TMCC1: variants seen among roughly 807,000 people sequenced by gnomAD.
The protein encoded by TMCC1 is transmembrane and coiled-coil domain family 1.
TMCC1 carries 15 observed loss-of-function variants against 52.4 expected under a neutral mutation model. That is an observed-to-expected ratio of 0.29 (90% CI 0.19 to 0.44). The LOEUF (loss-of-function observed/expected upper bound fraction) is 0.44, where lower values mean the gene tolerates loss of function less well. Ranked by LOEUF, TMCC1 falls within the 20% of genes least tolerant of loss-of-function variation. The probability of loss-of-function intolerance (pLI) is 1.00; values close to 1 mark genes in which losing one functional copy is unlikely to be tolerated. For missense variants in TMCC1, 503 were observed against 806.0 expected, an observed-to-expected ratio of 0.62 and a Z score of 4.55; for synonymous variants, 279 against 301.9, an observed-to-expected ratio of 0.92 and a Z score of 0.79.
chr3:129,694,408 G>A (rs1576473139), intron 4 of TMCC1, among the ~76,000 whole-genome samples: 1 of 152,206 alleles, frequency 6.6e-6, no homozygotes, highest in Non-Finnish European at 1.5e-5. Context: ...TGTCAGAAAC[G>A]TTTACACCTG....
chr3:129,860,370 C>T (rs9815126), intron 2 of TMCC1, among the ~76,000 whole-genome samples: 131,666 of 151,900 alleles, frequency 0.87, 57,743 homozygotes, highest in East Asian at 1. Context: ...GCGCCCAGCC[C>T]GTGAGTGGAA....
chr3:129,843,911 C>CAAAAAAAAA (rs11391229), intron 2 of TMCC1, among the ~76,000 whole-genome samples: 1 of 135,616 alleles, frequency 7.4e-6, no homozygotes. Context: ...CAGACACTAC[C>CAAAAAAAAA]AAAAAAAAAA....
chr3:129,879,458 G>C (rs1208878852), intron 2 of TMCC1, among the ~76,000 whole-genome samples: 4 of 152,036 alleles, frequency 2.6e-5, no homozygotes, highest in Admixed American at 2.0e-4. Context: ...AAGGTTTTCA[G>C]AAAGAAAAAT....
chr3:129,741,437 G>A (rs572008009), intron 4 of TMCC1, among the ~76,000 whole-genome samples: 5 of 152,036 alleles, frequency 3.3e-5, no homozygotes, highest in Non-Finnish European at 7.4e-5. Context: ...TCCTGCATAT[G>A]TTAGAGCCTC....
At chr3:129,659,065 A>G (rs1012445823) in intron 5 of TMCC1, among the ~76,000 whole-genome samples, 7 of 151,258 alleles carry the variant, frequency 4.6e-5, no homozygotes, top group African/African-American at 1.7e-4. Context: ...CTTTGTAGTC[A>G]GGGAACCTGT....
intron 2 of TMCC1, among the ~76,000 whole-genome samples, chr3:129,842,500 A>G (rs2059466558): frequency 6.6e-6 from 1 of 151,960 alleles, no homozygotes; most frequent in Non-Finnish European, 1.5e-5. Context: ...ACACACACAC[A>G]CACACGTAAG....
intron 4 of TMCC1, chr3:129,688,699 C>T (rs1396962762): frequency 1.5e-5 from 15 of 985,326 alleles, no homozygotes; most frequent in Non-Finnish European, 1.8e-5. Flanking sequence ...TGTGTGTGCG[C>T]GCGCACGCAG....
intron 4 of TMCC1, among the ~76,000 whole-genome samples, chr3:129,757,748 G>A (rs2053147465): frequency 6.6e-6 from 1 of 152,132 alleles, no homozygotes. Context: ...AGAATCGCTT[G>A]AACCCAGGAG....
chr3:129,865,316 A>T (rs906712930), intron 2 of TMCC1, among the ~76,000 whole-genome samples: 3 of 139,968 alleles, frequency 2.1e-5, no homozygotes, highest in Admixed American at 7.2e-5. Context: ...ACACCACATC[A>T]TTTTTTTTTT....
At chr3:129,824,956 T>C (rs2058593489) in intron 4 of TMCC1, among the ~76,000 whole-genome samples, 1 of 152,222 alleles carries the variant, frequency 6.6e-6, no homozygotes, top group Admixed American at 6.5e-5. Context: ...TCCACAGTTA[T>C]CAATTCAGCT....
intron 4 of TMCC1, among the ~76,000 whole-genome samples, chr3:129,701,542 G>A (rs185248621): frequency 1.3e-5 from 2 of 152,284 alleles, no homozygotes; most frequent in East Asian, 3.9e-4. Context: ...AAATTACTGT[G>A]GTCATATGAA....
intron 3 of TMCC1, among the ~76,000 whole-genome samples, chr3:129,832,149 G>A (rs2058949871): frequency 6.6e-6 from 1 of 152,036 alleles, no homozygotes; most frequent in Non-Finnish European, 1.5e-5. Context: ...GAGTCACCGC[G>A]CCCCACCCAA....
rs1287617997 is a variant in TMCC1, at chr3:129,849,893, A to G, written c.-183-17067T>C. ...TACATTTAATTCAAGATTATAAATTATATTTCTTTTTTTTTTTACTTTTTG... is the reference window on the plus strand; with the variant it reads ...TACATTTAATTCAAGATTATAAATTGTATTTCTTTTTTTTTTTACTTTTTG... On this transcript the variant is annotated intron_variant, in intron 2 of 6. Coordinates refer to ENST00000393238, the MANE Select transcript of TMCC1 (RefSeq NM_001017395.5). Among the ~76,000 whole-genome samples the G allele has an allele frequency of 2.6e-4, 22 of 83,594 alleles. No homozygotes were observed. The South Asian group carries it at 9.2e-3, about 35-fold the overall frequency. The allele number at this position is 83,594 out of a possible 152,430, so 54.8% of individuals were successfully genotyped here. A position where few individuals can be genotyped will look rare whatever the true frequency, so the allele number is the denominator to read the frequency against.
intron 4 of TMCC1, among the ~76,000 whole-genome samples, chr3:129,757,399 T>C (rs1403776745): frequency 6.6e-6 from 1 of 152,222 alleles, no homozygotes; most frequent in African/African-American, 2.4e-5. Flanking sequence ...TCATGCATTT[T>C]GGTTTAACTT....
intron 1 of TMCC1, chr3:129,892,670 G>C (rs1306272938): frequency 6.6e-6 from 1 of 152,216 alleles, no homozygotes; most frequent in Non-Finnish European, 1.5e-5. Flanking sequence ...CGTTGCGGGG[G>C]CCGGGGGTAG....
chr3:129,726,417 C>T (rs1189170152), intron 4 of TMCC1, among the ~76,000 whole-genome samples: 1 of 152,110 alleles, frequency 6.6e-6, no homozygotes, highest in African/African-American at 2.4e-5. Context: ...ACTTTACATC[C>T]TCTACAATAC....
rs574246983 is a variant in TMCC1, at chr3:129,693,665, T to C, written c.577-22401A>G. On this transcript the variant is annotated intron_variant, in intron 4 of 6. Coordinates refer to ENST00000393238, the MANE Select transcript of TMCC1 (RefSeq NM_001017395.5). ...GTGCCCATCCCATGTTATCTTATTG[T>C]TCTATTTTTTGTGGCTATATGAGGA... is the stretch of plus-strand genomic sequence containing the variant. Among the ~76,000 whole-genome samples the C allele has an allele frequency of 2.0e-5, 3 of 152,176 alleles. No individual in the cohort carries two copies. In the South Asian group the frequency reaches 6.2e-4, roughly 32 times the overall value.
chr3:129,725,680 A>T (rs2107603601), intron 4 of TMCC1, among the ~76,000 whole-genome samples: 1 of 149,732 alleles, frequency 6.7e-6, no homozygotes, highest in Non-Finnish European at 1.5e-5. Flanking sequence ...TACTTTGAAC[A>T]TTGATTTTTT....
intron 4 of TMCC1, among the ~76,000 whole-genome samples, chr3:129,824,726 C>T (rs1244935335): frequency 2.7e-5 from 4 of 149,496 alleles, no homozygotes; most frequent in Non-Finnish European, 1.5e-5. Context: ...GCCCACTGTT[C>T]CAGTTCCGTA....
Sources: gnomAD v4.1 joint callset for allele counts (sites outside exome capture counted in the v4.1 genomes callset) on GRCh38, gnomAD v4.1.1 for gene constraint, MANE v1.5 for transcripts, NCBI Gene and HGNC (gene_info 2026-07-23, HGNC 2026-07-21) for gene names.